Variants in YLPM1 observed in about 807,000 individuals in gnomAD.
YLPM1 encodes YLP motif-containing protein 1.
YLPM1 carries 99 observed loss-of-function variants against 230.0 expected under a neutral mutation model. The ratio of observed to expected loss-of-function variants is 0.43; its 90% CI spans 0.37 to 0.51. The LOEUF (loss-of-function observed/expected upper bound fraction) is 0.51, where lower values mean the gene tolerates loss of function less well. Among genes scored for constraint, YLPM1 ranks in the 20% least tolerant of loss-of-function variants. The pLI is 0.00. For synonymous variants in YLPM1, 984 were observed against 942.5 expected (o/e 1.04, Z -0.81); for missense variants, 2,592 against 2,707.7 (o/e 0.96, Z 0.95).
At chr14:74,771,707 GACTGAAGCCATATT>G (rs1203423769) in intron 1 of YLPM1, among the ~76,000 whole-genome samples, 1 of 152,160 alleles carries the variant, frequency 6.6e-6, no homozygotes, top group Non-Finnish European at 1.5e-5. Flanking sequence ...GTTTCATAGT[GACTGAAGCCATATT>G]GCATTGATTT....
rs1224980160 is a variant in YLPM1, at chr14:74,836,327, A to G, written c.*589A>G. 2 of 152,502 alleles carry G rather than the reference A, an allele frequency of 1.3e-5. No homozygotes were observed. The highest frequency in any genetic ancestry group is 2.9e-5 in the Non-Finnish European group (2 of 68,314). The allele number at this position is 152,502 out of a possible 1,614,324, so 9.4% of individuals were successfully genotyped here. A position where few individuals can be genotyped will look rare whatever the true frequency, so the allele number is the denominator to read the frequency against. ...ATATGGCTCAATGATTCCGTAGCAC[A>G]TGTTGTAAAACACAGGGTTCAAATG... On this transcript the variant is annotated 3_prime_UTR_variant, in exon 21 of 21. Transcript: ENST00000325680.
intron 6 of YLPM1, among the ~76,000 whole-genome samples, chr14:74,808,317 T>C (rs975460715): frequency 6.6e-6 from 1 of 152,260 alleles, no homozygotes; most frequent in African/African-American, 2.4e-5. Flanking sequence ...TTTTTACTGC[T>C]TTTTAAATTT....
intron 17 of YLPM1, among the ~76,000 whole-genome samples, chr14:74,823,355 G>A (rs576675443): frequency 6.6e-6 from 1 of 152,130 alleles, no homozygotes; most frequent in South Asian, 2.1e-4. Flanking sequence ...TGTATGTTAG[G>A]TCTAATGGAA....
At chr14:74,783,537 T>A (rs1227291389) in intron 4 of YLPM1, among the ~76,000 whole-genome samples, 2 of 152,228 alleles carry the variant, frequency 1.3e-5, no homozygotes, top group Non-Finnish European at 2.9e-5. Context: ...TAAAAATATA[T>A]GTTGCAGAAA....
Position 74,835,863 on chromosome 14 carries a change from T to G in YLPM1, c.*125T>G, listed in dbSNP as rs1481378043. 6.6e-6 allele frequency: 3 copies of G among 456,534 alleles called. No individual in the cohort carries two copies. The highest frequency in any genetic ancestry group is 1.3e-5 in the Non-Finnish European group (3 of 226,834). The allele number at this position is 456,534 out of a possible 1,614,324, so 28.3% of individuals were successfully genotyped here. A position where few individuals can be genotyped will look rare whatever the true frequency, so the allele number is the denominator to read the frequency against. ...TTCCACGTTTCAGTTCTTGTTTTGTTTCTACTGCTTTAGTTTTTTTTAAAG... is the reference window on the plus strand; with the variant it reads ...TTCCACGTTTCAGTTCTTGTTTTGTGTCTACTGCTTTAGTTTTTTTTAAAG... On this transcript the variant is annotated 3_prime_UTR_variant, in exon 21 of 21. Transcript: ENST00000325680.
chr14:74,781,793 T>C lies in YLPM1; in HGVS notation c.1750T>C (p.Ser584Pro), dbSNP rs372221107. The C allele has an allele frequency of 9.3e-6, 15 of 1,610,640 alleles. No individual in the cohort carries two copies. The highest frequency in any genetic ancestry group is 1.2e-5 in the Non-Finnish European group (14 of 1,179,050). The change falls in exon 4 of 21, where the codon TCT (serine) becomes CCT (proline). Residue 584 changes from serine to proline, a missense_variant. By Grantham distance (74) the Ser-to-Pro change is moderately conservative. Coordinates refer to ENST00000325680, the MANE Select transcript of YLPM1 (RefSeq NM_019589.3). ...PPPGMPPSLS[S>P]AGPPPVLPPP... ...ACCAGGGATGCCTCCTTCTCTCTCT[T>C]CTGCAGGGCCACCACCAGTTCTCCC...
chr14:74,774,487 C>G (rs1055465955), intron 1 of YLPM1, among the ~76,000 whole-genome samples: 4 of 151,872 alleles, frequency 2.6e-5, no homozygotes, highest in African/African-American at 9.7e-5. Context: ...CTCACTGCAA[C>G]CTCCGCCTCC....
At chr14:74,805,701 A>G (rs1013417306) in intron 6 of YLPM1, among the ~76,000 whole-genome samples, 4 of 144,162 alleles carry the variant, frequency 2.8e-5, no homozygotes, top group Non-Finnish European at 6.0e-5. Context: ...AAGAATAAGC[A>G]TACTTTTTTT....
intron 6 of YLPM1, among the ~76,000 whole-genome samples, chr14:74,805,560 A>G (rs1441450913): frequency 2.0e-5 from 3 of 151,650 alleles, no homozygotes; most frequent in Non-Finnish European, 4.4e-5. Context: ...GTTGTTGCCC[A>G]GGCTGGTCTC....
In YLPM1 at chr14:74,781,492, A is replaced by T. The variant is rs770925855; in HGVS notation, c.1449A>T (p.Lys483Asn). 6.2e-7 allele frequency: 1 copy of T among 1,613,884 alleles called. No individual in the cohort carries two copies. Among genetic ancestry groups the T allele is most frequent in the East Asian group, 2.2e-5 (1 of 44,878 alleles). Residue 483 changes from lysine (K) to asparagine (N), a missense_variant, in exon 4 of 21, where the codon AAA becomes AAT. By Grantham distance (94) the Lys-to-Asn change is moderately conservative (BLOSUM62 0). Transcript: ENST00000325680. ...DQLQEYEKQW[K>N]TWQGHMKATQ... The stretch of plus-strand genomic sequence containing the variant: ...TTCAGGAGTATGAGAAGCAGTGGAA[A>T]ACATGGCAGGGACATATGAAAGCCA...
chr14:74,807,734 C>A (rs1311238256), intron 6 of YLPM1, among the ~76,000 whole-genome samples: 2 of 152,178 alleles, frequency 1.3e-5, no homozygotes, highest in African/African-American at 4.8e-5. Context: ...TCATAGTACT[C>A]ATGTTCTCTG....
intron 18 of YLPM1, among the ~76,000 whole-genome samples, chr14:74,825,198 T>C (rs2091552506): frequency 6.6e-6 from 1 of 152,120 alleles, no homozygotes; most frequent in Admixed American, 6.6e-5. Flanking sequence ...TTTGAGTCAC[T>C]GAGCTGCTTC....
chr14:74,780,706 A>G, intron 3 of YLPM1, 122 bp downstream of exon 3: 4 of 1,448,868 alleles, frequency 2.8e-6, no homozygotes, highest in Non-Finnish European at 1.8e-6. Context: ...GTTGTTTCCC[A>G]AGGGGTGCCC....
intron 19 of YLPM1, among the ~76,000 whole-genome samples, chr14:74,834,020 ATATG>A (rs1292037342): frequency 2.0e-5 from 3 of 152,152 alleles, no homozygotes. Context: ...CTTTTACAGA[ATATG>A]TATATCTCCA....
intron 10 of YLPM1, among the ~76,000 whole-genome samples, 179 bp from the exon 11 acceptor site, chr14:74,812,449 C>A (rs904541476): frequency 6.6e-6 from 1 of 152,194 alleles, no homozygotes; most frequent in Non-Finnish European, 1.5e-5. Context: ...TAAATCTTCT[C>A]ATTTTCTTGA....
intron 1 of YLPM1, among the ~76,000 whole-genome samples, chr14:74,777,974 CA>C (rs138166786): frequency 1.6e-3 from 227 of 141,186 alleles, no homozygotes; most frequent in South Asian, 3.8e-3. Context: ...GATGCAGTCT[CA>C]AAAAAAAAAG....
At chr14:74,784,414 CCT>C (rs1376158176) in intron 4 of YLPM1, among the ~76,000 whole-genome samples, 1 of 152,148 alleles carries the variant, frequency 6.6e-6, no homozygotes, top group Non-Finnish European at 1.5e-5. Flanking sequence ...CTTATTTATT[CCT>C]CTTAGTGATA....
At chr14:74,765,510 C>G (rs1452779101) in intron 1 of YLPM1, among the ~76,000 whole-genome samples, 2 of 152,158 alleles carry the variant, frequency 1.3e-5, no homozygotes, top group Non-Finnish European at 2.9e-5. Context: ...ATTCTGTTGG[C>G]TTACATCAAA....
At chr14:74,804,450 C>T (rs891683911) in intron 6 of YLPM1, among the ~76,000 whole-genome samples, 1 of 152,170 alleles carries the variant, frequency 6.6e-6, no homozygotes, top group Non-Finnish European at 1.5e-5. Flanking sequence ...CTTCATTTTC[C>T]CTCCACATAG....
Sources: gnomAD v4.1 joint callset for allele counts (sites outside exome capture counted in the v4.1 genomes callset) on GRCh38, gnomAD v4.1.1 for gene constraint, MANE v1.5 for transcripts, NCBI Gene and HGNC (gene_info 2026-07-23, HGNC 2026-07-21) for gene names.